Variants in HYCC2 observed in about 807,000 individuals in gnomAD.
The protein encoded by HYCC2 is hyccin PI4KA lipid kinase complex subunit 2, also known as hyccin 2.
chr2:201,042,265 T>C, the HYCC2 span, among the ~76,000 whole-genome samples: 1 of 152,314 alleles, frequency 6.6e-6, no homozygotes, highest in South Asian at 2.1e-4. Flanking sequence ...ATGCTCAATG[T>C]TGCCCAGGCT....
the HYCC2 span, among the ~76,000 whole-genome samples, chr2:200,993,783 C>T: frequency 5.3e-5 from 8 of 151,566 alleles, no homozygotes; most frequent in African/African-American, 1.9e-4. Flanking sequence ...AGATCAAGAC[C>T]ATCCTGGCTA....
chr2:200,976,417 G>A, the HYCC2 span: 1 of 152,102 alleles, frequency 6.6e-6, no homozygotes, highest in Non-Finnish European at 1.5e-5. Flanking sequence ...ATAAATAGGG[G>A]ACTACCCCTA....
chr2:201,062,723 T>C, the HYCC2 span, among the ~76,000 whole-genome samples: 1 of 148,754 alleles, frequency 6.7e-6, no homozygotes, highest in Non-Finnish European at 1.5e-5. Flanking sequence ...GAGGCAGAGA[T>C]GGGAGGATCA....
At chr2:201,016,445 T>G in the HYCC2 span, among the ~76,000 whole-genome samples, 1 of 152,118 alleles carries the variant, frequency 6.6e-6, no homozygotes, top group African/African-American at 2.4e-5. Context: ...TATGCCACCA[T>G]GCCCAGCTAA....
At chr2:200,981,220 G>T in the HYCC2 span, 1 of 1,576,798 alleles carries the variant, frequency 6.3e-7, no homozygotes. This position sits in a 1 kb window ranked among gnomAD's most constrained non-coding sequence, Gnocchi z 4.5. Context: ...CTTGCACAAT[G>T]AAATGTTCAG....
the HYCC2 span, among the ~76,000 whole-genome samples, chr2:200,999,358 C>T: frequency 3.3e-5 from 5 of 151,734 alleles, no homozygotes; most frequent in South Asian, 2.1e-4. Flanking sequence ...TTAACATGGT[C>T]AGAGCTTCTC....
the HYCC2 span, among the ~76,000 whole-genome samples, chr2:200,993,475 TAAGTGATGCTTCCAAAA>T: frequency 6.6e-6 from 1 of 152,344 alleles, no homozygotes; most frequent in East Asian, 1.9e-4. Flanking sequence ...TCAATCTCAT[TAAGTGATGCTTCCAAAA>T]AAGTTATGCT....
the HYCC2 span, among the ~76,000 whole-genome samples, chr2:201,008,715 C>G: frequency 6.6e-6 from 1 of 151,970 alleles, no homozygotes; most frequent in Non-Finnish European, 1.5e-5. Context: ...GACAACATAG[C>G]AAGACCTTTT....
the HYCC2 span, among the ~76,000 whole-genome samples, chr2:201,040,638 C>A: frequency 6.6e-6 from 1 of 151,966 alleles, no homozygotes; most frequent in Admixed American, 6.6e-5. Flanking sequence ...GCATGCACCA[C>A]CATATCCGGC....
the HYCC2 span, among the ~76,000 whole-genome samples, chr2:201,062,633 A>T: frequency 6.6e-6 from 1 of 150,504 alleles, no homozygotes; most frequent in Admixed American, 6.6e-5. Context: ...CCTGGGCAAC[A>T]GAGCGAGACT....
the HYCC2 span, among the ~76,000 whole-genome samples, chr2:201,005,142 T>C: frequency 6.6e-6 from 1 of 151,380 alleles, no homozygotes; most frequent in African/African-American, 2.4e-5. Context: ...AACAATCAAA[T>C]GAGATATTTT....
At chr2:201,008,912 CAT>C in the HYCC2 span, 8 of 988,730 alleles carry the variant, frequency 8.1e-6, no homozygotes, top group South Asian at 2.7e-5. Flanking sequence ...TTCATTCATT[CAT>C]ATATATATTC....
the HYCC2 span, among the ~76,000 whole-genome samples, chr2:201,002,425 G>A: frequency 2.0e-5 from 3 of 152,112 alleles, no homozygotes; most frequent in Non-Finnish European, 4.4e-5. Context: ...TTGGGAGTTA[G>A]TAGGAGGAAA....
At chr2:201,048,861 G>A in the HYCC2 span, among the ~76,000 whole-genome samples, 1 of 152,186 alleles carries the variant, frequency 6.6e-6, no homozygotes, top group South Asian at 2.1e-4. Flanking sequence ...GGGCATGGCG[G>A]CTCAAGCCTA....
the HYCC2 span, chr2:201,017,034 C>T: frequency 1.9e-6 from 3 of 1,613,952 alleles, no homozygotes; most frequent in South Asian, 3.3e-5. Flanking sequence ...GCAACCATTA[C>T]TCTGTCTGTC....
the HYCC2 span, chr2:201,063,622 A>G: frequency 2.5e-6 from 4 of 1,579,902 alleles, no homozygotes; most frequent in Non-Finnish European, 3.4e-6. Flanking sequence ...GTGAAGTTAG[A>G]AAAGCCCTGT....
At chr2:201,003,456 A>G in the HYCC2 span, among the ~76,000 whole-genome samples, 2 of 151,992 alleles carry the variant, frequency 1.3e-5, no homozygotes, top group Non-Finnish European at 2.9e-5. Context: ...TGCACTTGTA[A>G]TCCCAGCACT....
the HYCC2 span, among the ~76,000 whole-genome samples, chr2:200,983,278 A>G: frequency 6.6e-6 from 1 of 152,368 alleles, no homozygotes; most frequent in African/African-American, 2.4e-5. Flanking sequence ...TACAAAACAG[A>G]TATCAACATT....
the HYCC2 span, among the ~76,000 whole-genome samples, chr2:201,003,805 C>CTTTTTTT: frequency 7.8e-4 from 52 of 66,368 alleles, 1 homozygote; most frequent in Non-Finnish European, 9.3e-4. Context: ...GTTGTTGTTG[C>CTTTTTTT]TTTTTTTTTT....
Sources: gnomAD v4.1 joint callset for allele counts (sites outside exome capture counted in the v4.1 genomes callset) on GRCh38, gnomAD v4.1.1 for gene constraint, Gnocchi (gnomAD v3.1) non-coding constraint, MANE v1.5 for transcripts, NCBI Gene and HGNC (gene_info 2026-07-23, HGNC 2026-07-21) for gene names.